Variants in LOC128125817 observed in about 807,000 individuals in gnomAD.
chr1:41,607,160 A>G, the LOC128125817 span, among the ~76,000 whole-genome samples: 17 of 152,042 alleles, frequency 1.1e-4, no homozygotes. Context: ...TTCTTTGGCT[A>G]TATCTTTCAC....
At chr1:41,601,065 T>C in the LOC128125817 span, among the ~76,000 whole-genome samples, 1 of 152,170 alleles carries the variant, frequency 6.6e-6, no homozygotes, top group East Asian at 1.9e-4. Context: ...TCAGTCAGCA[T>C]ATATACTGGA....
the LOC128125817 span, among the ~76,000 whole-genome samples, chr1:41,620,408 G>A: frequency 1.3e-5 from 2 of 152,202 alleles, no homozygotes; most frequent in Non-Finnish European, 2.9e-5. Flanking sequence ...TGATTTGGCT[G>A]TTCAAATCTC....
chr1:41,622,561 G>C, the LOC128125817 span, among the ~76,000 whole-genome samples: 1 of 152,210 alleles, frequency 6.6e-6, no homozygotes, highest in East Asian at 1.9e-4. Context: ...CATATTATCT[G>C]TGGTTGCTTC....
the LOC128125817 span, among the ~76,000 whole-genome samples, chr1:41,615,738 C>T: frequency 3.4e-5 from 5 of 148,734 alleles, no homozygotes; most frequent in South Asian, 4.2e-4. Context: ...TTCAGGATGA[C>T]GGTCACTCCT....
the LOC128125817 span, among the ~76,000 whole-genome samples, chr1:41,619,909 T>A: frequency 2.6e-5 from 4 of 152,296 alleles, no homozygotes; most frequent in South Asian, 2.1e-4. Flanking sequence ...TAGGCATGGC[T>A]GGCCACTCCC....
At chr1:41,610,997 T>C in the LOC128125817 span, among the ~76,000 whole-genome samples, 1 of 152,304 alleles carries the variant, frequency 6.6e-6, no homozygotes, top group East Asian at 1.9e-4. Flanking sequence ...TTGCAGTTCA[T>C]ACAGGCTTTC....
At chr1:41,619,726 G>T in the LOC128125817 span, among the ~76,000 whole-genome samples, 85,932 of 151,906 alleles carry the variant, frequency 0.57, 24,415 homozygotes, top group Non-Finnish European at 0.59. Flanking sequence ...CTCCAGGGAG[G>T]TCAGCTGGGA....
the LOC128125817 span, among the ~76,000 whole-genome samples, chr1:41,603,887 C>T: frequency 1.4e-4 from 21 of 152,166 alleles, no homozygotes; most frequent in African/African-American, 4.8e-4. Flanking sequence ...TGTTGATCTT[C>T]TGTGTTGATA....
At chr1:41,623,277 G>A in the LOC128125817 span, among the ~76,000 whole-genome samples, 2 of 152,162 alleles carry the variant, frequency 1.3e-5, no homozygotes, top group African/African-American at 4.8e-5. Flanking sequence ...TACCTGTCCC[G>A]TTTTGCTCCC....
the LOC128125817 span, among the ~76,000 whole-genome samples, chr1:41,604,307 AT>A: frequency 3.3e-5 from 5 of 152,358 alleles, no homozygotes; most frequent in East Asian, 9.6e-4. Flanking sequence ...GGATAAATAA[AT>A]TGTGGTATAT....
the LOC128125817 span, among the ~76,000 whole-genome samples, chr1:41,602,624 CT>C: frequency 1.3e-5 from 2 of 151,998 alleles, no homozygotes; most frequent in East Asian, 3.8e-4. Context: ...AGTCTCCTCT[CT>C]TTTTTTCTAG....
chr1:41,623,536 TC>T, the LOC128125817 span, among the ~76,000 whole-genome samples: 1 of 152,220 alleles, frequency 6.6e-6, no homozygotes, highest in Non-Finnish European at 1.5e-5. Context: ...GGTTTTTCTA[TC>T]CCCTTGAGGC....
At chr1:41,621,955 G>A in the LOC128125817 span, among the ~76,000 whole-genome samples, 1 of 152,190 alleles carries the variant, frequency 6.6e-6, no homozygotes. Context: ...ATCTCCACTT[G>A]ACATCAGTTA....
chr1:41,600,152 C>A, the LOC128125817 span, among the ~76,000 whole-genome samples: 1 of 152,190 alleles, frequency 6.6e-6, no homozygotes, highest in African/African-American at 2.4e-5. Flanking sequence ...ATGGAAAACA[C>A]TGTGGTAGTT....
At chr1:41,616,156 G>A in the LOC128125817 span, among the ~76,000 whole-genome samples, 1 of 152,142 alleles carries the variant, frequency 6.6e-6, no homozygotes, top group African/African-American at 2.4e-5. Context: ...TGACCAAGGT[G>A]GAGTCCATTT....
At chr1:41,625,638 G>T in the LOC128125817 span, among the ~76,000 whole-genome samples, 1 of 152,212 alleles carries the variant, frequency 6.6e-6, no homozygotes, top group Non-Finnish European at 1.5e-5. Context: ...AGGAAGCTGA[G>T]ATAGGAGGAT....
At chr1:41,625,529 T>C in the LOC128125817 span, among the ~76,000 whole-genome samples, 1 of 152,182 alleles carries the variant, frequency 6.6e-6, no homozygotes, top group Non-Finnish European at 1.5e-5. Flanking sequence ...GAGGTGTCGC[T>C]AATAACATAA....
At chr1:41,595,392 T>C in the LOC128125817 span, among the ~76,000 whole-genome samples, 1 of 152,196 alleles carries the variant, frequency 6.6e-6, no homozygotes, top group African/African-American at 2.4e-5. Flanking sequence ...CTTCCTGGCC[T>C]CCTCTCTCTC....
the LOC128125817 span, among the ~76,000 whole-genome samples, chr1:41,600,974 T>C: frequency 1.3e-5 from 2 of 152,196 alleles, no homozygotes; most frequent in Non-Finnish European, 2.9e-5. Context: ...CTTTTGCATA[T>C]GAATATCCAG....
Sources: gnomAD v4.1 joint callset for allele counts (sites outside exome capture counted in the v4.1 genomes callset) on GRCh38, gnomAD v4.1.1 for gene constraint, MANE v1.5 for transcripts.